The following CCZ1 variants were observed in gnomAD, a reference collection of about 807,000 sequenced individuals.
The protein encoded by CCZ1 is vacuolar fusion protein CCZ1 homolog.
CCZ1 carries 19 observed loss-of-function variants against 57.8 expected under a neutral mutation model. The ratio of observed to expected loss-of-function variants is 0.33; its 90% confidence interval spans 0.23 to 0.48. CCZ1 has a LOEUF of 0.48. Among genes scored for constraint, CCZ1 ranks in the 20% least tolerant of loss-of-function variants. The probability of loss-of-function intolerance (pLI) is 0.99; values close to 1 mark genes in which losing one functional copy is unlikely to be tolerated. For missense variants in CCZ1, 200 were observed against 492.0 expected, an observed-to-expected ratio of 0.41 and a Z score of 5.61; for synonymous variants, 81 against 167.0, an observed-to-expected ratio of 0.49 and a Z score of 3.97.
chr7:5,911,224 T>C (rs1781971336), intron 8 of CCZ1, among the ~76,000 whole-genome samples: 1 of 149,300 alleles, frequency 6.7e-6, no homozygotes, highest in South Asian at 2.2e-4. Context: ...TTAAATGATA[T>C]CACTGTGTTC....
Position 5,902,598 on chromosome 7 carries a change from G to C in CCZ1, c.439-63G>C, listed in dbSNP as rs545029468. 10 of 1,521,476 alleles carry C rather than the reference G, an allele frequency of 6.6e-6. 1 individual carries two copies. Among genetic ancestry groups the C allele is most frequent in the African/African-American group, 1.4e-5 (1 of 69,392 alleles). 94.2% of individuals were successfully genotyped at this position (1,521,476 alleles called of 1,614,324 possible). A position where few individuals can be genotyped will look rare whatever the true frequency, so the allele number is the denominator to read the frequency against. ...ATAATCTAAAGGAAAAAAAGAACTTGTTATACTGAAAAAGTGAGCATAGGA... is the reference window on the plus strand; with the variant it reads ...ATAATCTAAAGGAAAAAAAGAACTTCTTATACTGAAAAAGTGAGCATAGGA... On this transcript the variant is annotated intron_variant, in intron 5 of 14. Coordinates refer to ENST00000325974, the MANE Select transcript of CCZ1 (RefSeq NM_015622.6).
chr7:5,912,919 G>A lies in CCZ1; in HGVS notation c.919G>A (p.Asp307Asn), dbSNP rs1490115843. 1 of 1,600,508 alleles carries A rather than the reference G, an allele frequency of 6.2e-7. No homozygotes were observed. The highest frequency in any genetic ancestry group is 8.5e-7 in the Non-Finnish European group (1 of 1,172,614). The stretch of plus-strand genomic sequence containing the variant: ...CCCCAAAATTTTTGTAAATACAGAT[G>A]ACACTTATGAAGAGCTCCATTTAAT... ...RFPKIFVNTD[D>N]TYEELHLIVY... is the part of the protein sequence containing the mutation. Residue 307 changes from aspartate (D) to asparagine (N), a missense_variant, in exon 10 of 15, where the codon GAC becomes AAC. Physicochemically the swap from Asp to Asn is conservative, Grantham distance 23. This residue lies in a region of CCZ1 where 13 missense variants were observed against 20.1 expected (regional missense o/e 0.65). Coordinates refer to ENST00000325974, the MANE Select transcript of CCZ1 (RefSeq NM_015622.6).
intron 14 of CCZ1, 43 bp from the exon 15 acceptor site, chr7:5,925,589 A>G (rs1779350991): frequency 1.9e-6 from 3 of 1,609,792 alleles, no homozygotes; most frequent in East Asian, 2.2e-5. Context: ...TAACCTTTTA[A>G]GTGACTGCCT....
rs1304454344 is a variant in CCZ1, at chr7:5,921,220, C to T, written c.1106+1254C>T. On this transcript the variant is annotated intron_variant, in intron 12 of 14. Coordinates refer to ENST00000325974, the MANE Select transcript of CCZ1 (RefSeq NM_015622.6). Reference sequence around the variant, plus strand: ...CTGGGATGACAGGCGTGAGCCACCGCGCCCGGCCCATATGTTATTTCTGCA... The same window carrying T: ...CTGGGATGACAGGCGTGAGCCACCGTGCCCGGCCCATATGTTATTTCTGCA... Among the ~76,000 whole-genome samples, 6 of 132,556 alleles carry T rather than the reference C, an allele frequency of 4.5e-5. No homozygotes were observed. The East Asian group carries it at 8.2e-4, about 18-fold the overall frequency. 87.0% of individuals were successfully genotyped at this position (132,556 alleles called of 152,430 possible). A position where few individuals can be genotyped will look rare whatever the true frequency, so the allele number is the denominator to read the frequency against.
intron 8 of CCZ1, among the ~76,000 whole-genome samples, chr7:5,911,106 T>C (rs1008576475): frequency 6.7e-6 from 1 of 148,970 alleles, no homozygotes; most frequent in Non-Finnish European, 1.5e-5. Flanking sequence ...AATCGACTTG[T>C]GTAGTCTTTT....
Position 5,898,825 on chromosome 7 carries a change from G to A in CCZ1, c.26G>A (p.Gly9Glu). Residue 9 changes from glycine to glutamate, a missense_variant, in exon 1 of 15, where the codon GGG becomes GAG. Gly to Glu is a moderately conservative substitution (Grantham distance 98, BLOSUM62 -2). Coordinates refer to ENST00000325974, the MANE Select transcript of CCZ1 (RefSeq NM_015622.6). ...ATGGCTGCAGCGGCGGCCGGGGCCG[G>A]GAGCGGGCCCTGGGCGGCCCAGGAG... MAAAAAGAGSGPWAAQEKQ... is the reference protein window; with the variant it reads MAAAAAGAESGPWAAQEKQ... 2.4e-6 allele frequency: 1 copy of A among 410,282 alleles called. No individual in the cohort carries two copies. The highest frequency in any genetic ancestry group is 4.2e-6 in the Non-Finnish European group (1 of 240,034). 25.4% of individuals were successfully genotyped at this position (410,282 alleles called of 1,614,324 possible).
Position 5,923,381 on chromosome 7 carries a change from T to TCA in CCZ1, c.1107-3_1107-2dup. 1 of 252,992 alleles carries TCA rather than the reference T, an allele frequency of 4.0e-6. No homozygotes were observed. The highest frequency in any genetic ancestry group is 5.7e-5 in the East Asian group (1 of 17,506). The allele number at this position is 252,992 out of a possible 1,614,324, so 15.7% of individuals were successfully genotyped here. A position where few individuals can be genotyped will look rare whatever the true frequency, so the allele number is the denominator to read the frequency against. On this transcript the variant is annotated splice_region_variant and splice_polypyrimidine_tract_variant and intron_variant, in intron 12 of 14. Coordinates refer to ENST00000325974, the MANE Select transcript of CCZ1 (RefSeq NM_015622.6). ...GTGCTACTGTCTTCGTGACATGTTT[T>TCA]CACAGGTCTGAGAAAGAACCCCAGT...
At position 5,902,880 on chromosome 7, in the gene CCZ1, C is replaced by A. The variant is rs561013574; in HGVS notation, c.522+136C>A. On this transcript the variant is annotated intron_variant, in intron 6 of 14. Coordinates refer to ENST00000325974, the MANE Select transcript of CCZ1 (RefSeq NM_015622.6). Reference sequence around the variant, plus strand: ...TGGCAAAGAGCCTGAGACAGACCGTCGCAAAACTGGAGCAGCGAGGAAACG... The same window carrying A: ...TGGCAAAGAGCCTGAGACAGACCGTAGCAAAACTGGAGCAGCGAGGAAACG... 19 of 1,130,990 alleles carry A rather than the reference C, an allele frequency of 1.7e-5. No individual in the cohort carries two copies. In the Admixed American group the frequency reaches 1.8e-4, roughly 11 times the overall value. The allele number at this position is 1,130,990 out of a possible 1,614,324, so 70.1% of individuals were successfully genotyped here.
intron 1 of CCZ1, among the ~76,000 whole-genome samples, chr7:5,899,330 GGGGGGTGTGTGTGTGTGT>G (rs1244848486): frequency 0.01 from 496 of 47,746 alleles, 8 homozygotes; most frequent in Middle Eastern, 0.027. Flanking sequence ...AATTTCGGGA[GGGGGGTGTGTGTGTGTGT>G]GTGTGTGTGT....
At position 5,904,558 on chromosome 7, in the gene CCZ1, C is replaced by T. The variant is rs981367283; in HGVS notation, c.523-536C>T. On this transcript the variant is annotated intron_variant, in intron 6 of 14. Coordinates refer to ENST00000325974, the MANE Select transcript of CCZ1 (RefSeq NM_015622.6). ...AAAAAAAAAAAAATTTTTGGCCAGG[C>T]GTGGTGGCTCACACCTCTAATCCCA... 4.0e-4 allele frequency among the ~76,000 whole-genome samples: 59 copies of T among 146,198 alleles called. 5 individuals carry two copies. The highest frequency in any genetic ancestry group is 1.3e-3 in the African/African-American group (52 of 38,708).
intron 1 of CCZ1, among the ~76,000 whole-genome samples, chr7:5,899,756 C>G (rs918006757): frequency 2.0e-5 from 3 of 151,408 alleles, no homozygotes; most frequent in Non-Finnish European, 2.9e-5. Context: ...CAGCACAGAC[C>G]CCATCTCCAG....
intron 12 of CCZ1, among the ~76,000 whole-genome samples, chr7:5,920,919 C>T (rs1226989047): frequency 2.5e-5 from 3 of 119,860 alleles, no homozygotes; most frequent in Non-Finnish European, 5.4e-5. Flanking sequence ...TGCATACGCT[C>T]ATGGTCTTAA....
chr7:5,904,002 A>G lies in CCZ1; in HGVS notation c.523-1092A>G, dbSNP rs1483640650. 2.9e-5 allele frequency among the ~76,000 whole-genome samples: 4 copies of G among 136,572 alleles called. No homozygotes were observed. The South Asian group carries it at 7.9e-4, about 27-fold the overall frequency. The allele number at this position is 136,572 out of a possible 152,430, so 89.6% of individuals were successfully genotyped here. A position where few individuals can be genotyped will look rare whatever the true frequency, so the allele number is the denominator to read the frequency against. ...GACCAAGACTCCATCTCGGGGGGGG[A>G]AATAAAGATGGCACTCTCTGTAGTA... On this transcript the variant is annotated intron_variant, in intron 6 of 14. Transcript: ENST00000325974.
At chr7:5,911,394 C>T (rs1307365667) in intron 8 of CCZ1, among the ~76,000 whole-genome samples, 6 of 148,874 alleles carry the variant, frequency 4.0e-5, no homozygotes, top group Non-Finnish European at 7.4e-5. Context: ...TCTCAAACTC[C>T]TGGGCTCAAG....
At chr7:5,910,164 G>C in intron 8 of CCZ1, 48 bp downstream of exon 8, 2 of 1,509,714 alleles carry the variant, frequency 1.3e-6, no homozygotes, top group South Asian at 1.1e-5. Context: ...GGGGCACAGA[G>C]AGGGCAGGTG....
intron 7 of CCZ1, among the ~76,000 whole-genome samples, chr7:5,907,745 T>C (rs1393128752): frequency 7.3e-6 from 1 of 136,592 alleles, no homozygotes; most frequent in African/African-American, 2.8e-5. Flanking sequence ...AACTGTTCTG[T>C]TGTCACCTCC....
At position 5,905,280 on chromosome 7, in the gene CCZ1, C is replaced by A. The variant is rs1562539238; in HGVS notation, c.698+11C>A. 2 of 1,419,142 alleles carry A rather than the reference C, an allele frequency of 1.4e-6. No homozygotes were observed. The highest frequency in any genetic ancestry group is 1.9e-6 in the Non-Finnish European group (2 of 1,053,132). 87.9% of individuals were successfully genotyped at this position (1,419,142 alleles called of 1,614,324 possible). On this transcript the variant is annotated intron_variant, in intron 7 of 14. Coordinates refer to ENST00000325974, the MANE Select transcript of CCZ1 (RefSeq NM_015622.6). ...CGATCAGCTCATCTGGTAGGTACAC[C>A]CCGAGGCATGGTATTAAAAGAAGAA... is the stretch of plus-strand genomic sequence containing the variant.
intron 8 of CCZ1, 170 bp downstream of exon 8, chr7:5,910,286 T>G (rs148727829): frequency 0.035 from 18,792 of 541,146 alleles, 421 homozygotes; most frequent in Middle Eastern, 0.06. Context: ...CACATGCAGC[T>G]CTCCTCCAGT....
chr7:5,910,719 TTTATTTATTTATTTA>T (rs1562542031), intron 8 of CCZ1, among the ~76,000 whole-genome samples: 35 of 91,396 alleles, frequency 3.8e-4, no homozygotes, highest in African/African-American at 1.1e-3. Flanking sequence ...TATTTATTTA[TTTATTTATTTATTTA>T]TTTATTTATT....
Sources: gnomAD v4.1 joint callset for allele counts (sites outside exome capture counted in the v4.1 genomes callset) on GRCh38, gnomAD v4.1.1 for gene constraint, gnomAD v4.1.1 regional missense constraint, MANE v1.5 for transcripts, NCBI Gene and HGNC (gene_info 2026-07-23, HGNC 2026-07-21) for gene names.